Variants in NRG3 observed in about 807,000 individuals in gnomAD.
NRG3 encodes pro-neuregulin-3, membrane-bound isoform.
NRG3 carries 31 observed loss-of-function variants against 66.9 expected under a neutral mutation model. The ratio of observed to expected loss-of-function variants is 0.46; its 90% CI spans 0.35 to 0.63. The LOEUF (loss-of-function observed/expected upper bound fraction) is 0.63. Ranked by LOEUF, NRG3 falls within the 20% of genes least tolerant of loss-of-function variation. The pLI, the probability that NRG3 is intolerant of heterozygous loss-of-function variation, is 0.00. For missense variants in NRG3, 910 were observed against 878.9 expected, an observed-to-expected ratio of 1.04 and a Z score of -0.45; for synonymous variants, 393 against 359.4, an observed-to-expected ratio of 1.09 and a Z score of -1.06.
Position 82,147,667 on chromosome 10 carries a change from C to T in NRG3, c.824-211072C>T, listed in dbSNP as rs571195676. Among the ~76,000 whole-genome samples, 91 of 152,274 alleles carry T rather than the reference C, an allele frequency of 6.0e-4. 1 individual carries two copies. Among genetic ancestry groups the T allele is most frequent in the African/African-American group, 2.0e-3 (83 of 41,568 alleles). ...CTCAGTGTGTCCCTTTGTAAAGCGC[C>T]CCAGACCTTTTGAGTAGGGATGACC... On this transcript the variant is annotated intron_variant, in intron 1 of 8. Transcript: ENST00000372141.
rs571314363 is a variant in NRG3, at chr10:82,079,285, G to A, written c.823+203122G>A. ...GTCTCGAACTCCAGGTGATCCACCC[G>A]CCTCAGCCTCCCAAAGTGCTGGGAT... On this transcript the variant is annotated intron_variant, in intron 1 of 8. Coordinates refer to ENST00000372141, the MANE Select transcript of NRG3 (RefSeq NM_001010848.4). 5.3e-5 allele frequency among the ~76,000 whole-genome samples: 8 copies of A among 151,982 alleles called. No individual in the cohort carries two copies. In the East Asian group the frequency reaches 7.8e-4, roughly 15 times the overall value.
chr10:82,187,426 A>G (rs565531790), intron 1 of NRG3, among the ~76,000 whole-genome samples: 11 of 152,314 alleles, frequency 7.2e-5, no homozygotes, highest in African/African-American at 2.2e-4. Context: ...CTCTTGAAGA[A>G]ACACATGCAA....
intron 1 of NRG3, chr10:82,166,938 G>A: frequency 6.4e-6 from 3 of 466,716 alleles, no homozygotes; most frequent in East Asian, 6.8e-5. Context: ...CTGTCTTCTT[G>A]CTCGCATTAT....
chr10:82,792,829 T>C (rs1449622749), intron 3 of NRG3, among the ~76,000 whole-genome samples: 1 of 151,960 alleles, frequency 6.6e-6, no homozygotes, highest in Non-Finnish European at 1.5e-5. Flanking sequence ...TTTAGACATG[T>C]GCCACAACGC....
chr10:82,694,702 A>G (rs2055232254), intron 2 of NRG3, among the ~76,000 whole-genome samples: 1 of 152,194 alleles, frequency 6.6e-6, no homozygotes, highest in Non-Finnish European at 1.5e-5. Context: ...GCACTGAGTC[A>G]TAATTGTGCC....
At chr10:81,947,599 G>A (rs1240236231) in intron 1 of NRG3, among the ~76,000 whole-genome samples, 1 of 151,460 alleles carries the variant, frequency 6.6e-6, no homozygotes, top group African/African-American at 2.4e-5. Context: ...TGACCCGAAA[G>A]CCCCAGAGTA....
intron 2 of NRG3, among the ~76,000 whole-genome samples, chr10:82,562,179 C>A (rs1469954109): frequency 1.3e-5 from 2 of 152,192 alleles, no homozygotes; most frequent in Non-Finnish European, 2.9e-5. Context: ...ACATAGTAAA[C>A]AATCAATAAA....
intron 3 of NRG3, among the ~76,000 whole-genome samples, chr10:82,846,663 T>A (rs2063322892): frequency 6.6e-6 from 1 of 152,136 alleles, no homozygotes; most frequent in African/African-American, 2.4e-5. Context: ...GTGTACAATA[T>A]GAAGATAATA....
chr10:82,676,844 T>G (rs1243588583), intron 2 of NRG3, among the ~76,000 whole-genome samples: 1 of 152,074 alleles, frequency 6.6e-6, no homozygotes, highest in African/African-American at 2.4e-5. Context: ...ACGTTTTTTT[T>G]TCTATTGTAG....
intron 1 of NRG3, among the ~76,000 whole-genome samples, chr10:81,922,384 T>C (rs1237569586): frequency 6.6e-6 from 1 of 152,192 alleles, no homozygotes; most frequent in Non-Finnish European, 1.5e-5. Context: ...ACCACTTAAG[T>C]AATTTCTCAT....
At chr10:82,751,079 T>C (rs76729428) in intron 3 of NRG3, among the ~76,000 whole-genome samples, 13,068 of 152,194 alleles carry the variant, frequency 0.086, 1,746 homozygotes, top group African/African-American at 0.29. Context: ...ATGATTTGTT[T>C]GATATGTGGA....
At chr10:82,219,046 C>T (rs1452004765) in intron 1 of NRG3, among the ~76,000 whole-genome samples, 3 of 151,682 alleles carry the variant, frequency 2.0e-5, no homozygotes, top group Non-Finnish European at 2.9e-5. Context: ...ATCAAAGAAA[C>T]GTTTGGGATT....
chr10:82,511,470 G>T (rs1467048837), intron 2 of NRG3, among the ~76,000 whole-genome samples: 2 of 152,166 alleles, frequency 1.3e-5, no homozygotes, highest in African/African-American at 2.4e-5. Context: ...ACCTGGGTGA[G>T]TTGTCACTCC....
intron 2 of NRG3, among the ~76,000 whole-genome samples, chr10:82,591,376 A>G (rs991366108): frequency 6.6e-6 from 1 of 152,244 alleles, no homozygotes; most frequent in Non-Finnish European, 1.5e-5. Context: ...GTTTAAGTGC[A>G]GTCAAACTTG....
chr10:82,969,146 T>C (rs1451744832), intron 6 of NRG3, among the ~76,000 whole-genome samples: 1 of 152,194 alleles, frequency 6.6e-6, no homozygotes, highest in East Asian at 1.9e-4. Flanking sequence ...ATCACAGCTC[T>C]CTGCAGTTGC....
intron 1 of NRG3, among the ~76,000 whole-genome samples, chr10:81,880,508 G>T (rs1360917112): frequency 6.6e-6 from 1 of 152,196 alleles, no homozygotes; most frequent in Non-Finnish European, 1.5e-5. Flanking sequence ...TTTGAAATCA[G>T]TGCCTTCCTG....
At chr10:82,060,905 CG>C (rs1159820177) in intron 1 of NRG3, among the ~76,000 whole-genome samples, 1 of 152,120 alleles carries the variant, frequency 6.6e-6, no homozygotes, top group Non-Finnish European at 1.5e-5. Flanking sequence ...CATGCCAGTT[CG>C]GGTGACACTT....
At chr10:81,907,895 C>CT (rs1267887936) in intron 1 of NRG3, among the ~76,000 whole-genome samples, 1 of 152,136 alleles carries the variant, frequency 6.6e-6, no homozygotes, top group African/African-American at 2.4e-5. Flanking sequence ...TTACAGCACT[C>CT]TGATTTGAAA....
chr10:82,326,367 A>G (rs1050136655), intron 1 of NRG3, among the ~76,000 whole-genome samples: 2 of 152,082 alleles, frequency 1.3e-5, no homozygotes, highest in Admixed American at 6.5e-5. Context: ...AAAGTTTATT[A>G]TGATGTGCCT....
Sources: gnomAD v4.1 joint callset for allele counts (sites outside exome capture counted in the v4.1 genomes callset) on GRCh38, gnomAD v4.1.1 for gene constraint, MANE v1.5 for transcripts, NCBI Gene and HGNC (gene_info 2026-07-23, HGNC 2026-07-21) for gene names.